Variants in DMD observed in about 807,000 individuals in gnomAD.
DMD encodes mutant dystrophin.
In DMD, 63 loss-of-function variants were observed where a neutral mutation model predicts 330.1. That is an observed-to-expected ratio of 0.19 (90% confidence interval 0.16 to 0.24). DMD has a LOEUF of 0.24. DMD is among the 10% of genes least tolerant of loss of function. The pLI is 1.00. For synonymous variants in DMD, 1,223 were observed against 959.8 expected, an observed-to-expected ratio of 1.27 and a Z score of -5.07; for missense variants, 3,344 against 2,684.1, an observed-to-expected ratio of 1.25 and a Z score of -5.43.
chrX:31,247,155 C>T (rs949187252), intron 63 of DMD, among the ~76,000 whole-genome samples: 2 of 111,767 alleles, frequency 1.8e-5, no homozygotes, highest in Admixed American at 1.9e-4. Flanking sequence ...AAGAGATTCA[C>T]GTTTTCATGC....
intron 74 of DMD, among the ~76,000 whole-genome samples, chrX:31,165,850 A>T (rs1457776996): frequency 9.0e-6 from 1 of 111,544 alleles, no homozygotes. Context: ...TATGGGAAAA[A>T]CTCAGTCAGA....
At chrX:31,314,746 G>GAGAGAGAGAGAGAGAA (rs1556488502) in intron 62 of DMD, among the ~76,000 whole-genome samples, 1 of 29,884 alleles carries the variant, frequency 3.3e-5, no homozygotes, top group African/African-American at 7.2e-5. Context: ...CATACACAGA[G>GAGAGAGAGAGAGAGAA]AGAGAGAGAG....
chrX:31,478,213 C>T lies in DMD; in HGVS notation c.8830G>A (p.Asp2944Asn). 8.3e-7 allele frequency: 1 copy of T among 1,211,414 alleles called. No homozygotes were observed. Among genetic ancestry groups the T allele is most frequent in the Non-Finnish European group, 1.1e-6 (1 of 895,424 alleles). ...ERLRELQEAT[D>N]ELDLKLRQAE... ...TGGCGCAGCTTGAGGTCCAGCTCAT[C>T]CGTGGCCTCTTGAAGTTCCCGGAGT... The change falls in exon 59 of 79, where the codon GAT becomes AAT. Residue 2944 changes from aspartate (D) to asparagine (N), a missense_variant. By Grantham distance (23) the Asp-to-Asn change is conservative. Coordinates refer to ENST00000357033, the MANE Select transcript of DMD (RefSeq NM_004006.3).
At chrX:31,763,539 G>C (rs755753474) in intron 51 of DMD, among the ~76,000 whole-genome samples, 1 of 111,999 alleles carries the variant, frequency 8.9e-6, no homozygotes, top group Non-Finnish European at 1.9e-5. Context: ...CTCCAGCCCG[G>C]GCAACAGTGC....
chrX:32,573,313 T>A (rs752676187), intron 15 of DMD, among the ~76,000 whole-genome samples: 7 of 112,010 alleles, frequency 6.2e-5, no homozygotes, highest in Non-Finnish European at 1.1e-4. Context: ...TATGCTATGT[T>A]TTATCAAGAG....
intron 1 of DMD, among the ~76,000 whole-genome samples, chrX:33,264,642 C>T (rs2148907402): frequency 9.0e-6 from 1 of 110,905 alleles, no homozygotes; most frequent in South Asian, 3.8e-4. Context: ...GGGGTCTCCA[C>T]TCTTCTTTCC....
chrX:33,187,597 GT>G (rs1379033223), intron 1 of DMD, among the ~76,000 whole-genome samples: 1 of 111,810 alleles, frequency 8.9e-6, no homozygotes, highest in Non-Finnish European at 1.9e-5. Flanking sequence ...AAAAAATAAG[GT>G]AGTTTAGCAT....
At chrX:31,516,293 A>C (rs1347565005) in intron 55 of DMD, among the ~76,000 whole-genome samples, 2 of 109,537 alleles carry the variant, frequency 1.8e-5, no homozygotes, top group East Asian at 5.6e-4. Flanking sequence ...AAAAAAAAAA[A>C]AAAACCCGAA....
At chrX:32,297,796 C>T (rs912356567) in intron 42 of DMD, among the ~76,000 whole-genome samples, 9 of 110,809 alleles carry the variant, frequency 8.1e-5, no homozygotes, top group Admixed American at 1.9e-4. Context: ...TAAGAGGGGT[C>T]GGGGAAGACC....
chrX:33,179,523 T>C (rs190064286), intron 1 of DMD, among the ~76,000 whole-genome samples: 1,745 of 108,620 alleles, frequency 0.016, 37 homozygotes, highest in African/African-American at 0.056. Flanking sequence ...GAAACCCCGT[T>C]TCTACTAAAA....
intron 44 of DMD, among the ~76,000 whole-genome samples, chrX:32,097,068 A>T (rs1221460737): frequency 9.0e-6 from 1 of 111,684 alleles, no homozygotes; most frequent in Non-Finnish European, 1.9e-5. Context: ...TTTTTGGATC[A>T]GTATCTACAG....
chrX:32,230,073 A>G (rs1363353746), intron 43 of DMD, among the ~76,000 whole-genome samples: 1 of 110,746 alleles, frequency 9.0e-6, no homozygotes, highest in Non-Finnish European at 1.9e-5. Context: ...AAGGGTAGAA[A>G]CTATATTGAA....
chrX:31,165,960 C>T (rs1250704750), intron 74 of DMD, among the ~76,000 whole-genome samples: 1 of 111,187 alleles, frequency 9.0e-6, no homozygotes, highest in Admixed American at 9.6e-5. Context: ...ATTTGGAAAA[C>T]GGGTTCTTAA....
intron 7 of DMD, among the ~76,000 whole-genome samples, chrX:32,709,400 T>C (rs2064979428): frequency 8.9e-6 from 1 of 111,912 alleles, no homozygotes; most frequent in African/African-American, 3.2e-5. Context: ...TAGCTGAGAT[T>C]GATTTTCATT....
chrX:32,472,104 T>A lies in DMD; in HGVS notation c.2949+60A>T, dbSNP rs2040699126. The A allele has an allele frequency of 4.3e-6, 5 of 1,156,958 alleles. No homozygotes were observed. In the East Asian group the frequency reaches 1.5e-4, roughly 34 times the overall value. ...AAATTCTAATATTATTTAAAGGTTA[T>A]ATCAATGTGAATGCTTGATAAGCGT... On this transcript the variant is annotated intron_variant, in intron 22 of 78. Coordinates refer to ENST00000357033, the MANE Select transcript of DMD (RefSeq NM_004006.3).
chrX:32,890,312 C>T (rs1329326550), intron 2 of DMD, among the ~76,000 whole-genome samples: 3 of 110,478 alleles, frequency 2.7e-5, no homozygotes, highest in Non-Finnish European at 5.7e-5. Context: ...CATAGGTCCT[C>T]GCAGAAAGAG....
intron 44 of DMD, among the ~76,000 whole-genome samples, chrX:32,187,524 T>C (rs192302262): frequency 6.8e-4 from 76 of 111,702 alleles, no homozygotes; most frequent in African/African-American, 2.2e-3. Context: ...GAGATACATA[T>C]GTATGTCAAA....
At chrX:31,266,702 C>T in intron 62 of DMD, 1 of 847,112 alleles carries the variant, frequency 1.2e-6, no homozygotes, top group Non-Finnish European at 1.7e-6. Flanking sequence ...GCCCCGGGTC[C>T]AGCCGCCGCG....
intron 11 of DMD, among the ~76,000 whole-genome samples, chrX:32,626,917 A>C (rs1215445834): frequency 6.6e-5 from 7 of 105,785 alleles, no homozygotes; most frequent in Non-Finnish European, 5.6e-5. Context: ...TATTCAAACT[A>C]TCACAGATAG....
Sources: gnomAD v4.1 joint callset for allele counts (sites outside exome capture counted in the v4.1 genomes callset) on GRCh38, gnomAD v4.1.1 for gene constraint, MANE v1.5 for transcripts, NCBI Gene and HGNC (gene_info 2026-07-23, HGNC 2026-07-21) for gene names.